Variants in CLCA2 observed in about 807,000 individuals in gnomAD.
CLCA2 encodes the protein chloride channel accessory 2, also known as calcium-activated chloride channel regulator 2.
In CLCA2, 85 loss-of-function variants were observed where a neutral mutation model predicts 82.9. The observed-to-expected ratio is 1.03, with a 90% CI of 0.86 to 1.23. The LOEUF (loss-of-function observed/expected upper bound fraction) is 1.23, where lower values mean the gene tolerates loss of function less well. CLCA2 is among the 50% of genes most tolerant of loss of function. The pLI is 0.00. For synonymous variants in CLCA2, 421 were observed against 391.7 expected, an observed-to-expected ratio of 1.07 and a Z score of -0.88; for missense variants, 1,089 against 1,124.8, an observed-to-expected ratio of 0.97 and a Z score of 0.45.
chr1:86,443,448 A>G (rs923273941), intron 9 of CLCA2, among the ~76,000 whole-genome samples: 9 of 152,212 alleles, frequency 5.9e-5, no homozygotes, highest in Non-Finnish European at 1.2e-4. Flanking sequence ...CATATTCACA[A>G]ATGAAAATTT....
chr1:86,432,935 G>A (rs1662530133), intron 5 of CLCA2, among the ~76,000 whole-genome samples: 1 of 152,146 alleles, frequency 6.6e-6, no homozygotes, highest in Non-Finnish European at 1.5e-5. Context: ...GTTTTGAATA[G>A]TCTAGAACTT....
chr1:86,439,503 C>T (rs1033734525), intron 7 of CLCA2, among the ~76,000 whole-genome samples: 5 of 152,160 alleles, frequency 3.3e-5, no homozygotes, highest in Non-Finnish European at 7.3e-5. Context: ...CTAGACTTCA[C>T]GCACATCAGA....
At chr1:86,428,958 A>AG (rs1662442697) in intron 3 of CLCA2, among the ~76,000 whole-genome samples, 1 of 152,224 alleles carries the variant, frequency 6.6e-6, no homozygotes, top group African/African-American at 2.4e-5. Flanking sequence ...TAGGAGAGAC[A>AG]GAGACCCTGA....
chr1:86,424,604 C>A (rs1662352418), intron 1 of CLCA2, among the ~76,000 whole-genome samples, 171 bp downstream of exon 1: 1 of 152,186 alleles, frequency 6.6e-6, no homozygotes, highest in Non-Finnish European at 1.5e-5. Flanking sequence ...GTTTGTTCAT[C>A]TAATTCTGTG....
At chr1:86,434,354 G>A (rs1296098243) in intron 5 of CLCA2, among the ~76,000 whole-genome samples, 164 bp from the exon 6 acceptor site, 2 of 152,178 alleles carry the variant, frequency 1.3e-5, no homozygotes, top group African/African-American at 4.8e-5. Flanking sequence ...AGGTTTATTT[G>A]TAATTTGATG....
At position 86,434,547 on chromosome 1, in the gene CLCA2, C is replaced by A; in HGVS notation, c.774C>A (p.His258Gln). The change falls in exon 6 of 14, where the codon CAC becomes CAA. Residue 258 changes from histidine to glutamine, a missense_variant. Coordinates refer to ENST00000370565, the MANE Select transcript of CLCA2 (RefSeq NM_006536.7). ...SVVEFCNAST[H>Q]NQEAPNLQNQ... ...TTGAATTTTGTAATGCAAGTACCCA[C>A]AACCAAGAAGCACCAAACCTACAGA... 1.9e-6 allele frequency: 3 copies of A among 1,614,030 alleles called. No individual in the cohort carries two copies. Among genetic ancestry groups the A allele is most frequent in the Non-Finnish European group, 1.7e-6 (2 of 1,179,958 alleles).
At chr1:86,441,881 C>T (rs1662743556) in intron 9 of CLCA2, among the ~76,000 whole-genome samples, 1 of 152,202 alleles carries the variant, frequency 6.6e-6, no homozygotes, top group Non-Finnish European at 1.5e-5. Context: ...AACTTTCTGT[C>T]AATCAGAATT....
At chr1:86,440,462 A>G in intron 8 of CLCA2, 137 bp downstream of exon 8, 1 of 818,406 alleles carries the variant, frequency 1.2e-6, no homozygotes, top group South Asian at 2.1e-5. Context: ...ACATATTGCT[A>G]GAATCTGTCA....
rs1412139981 is a variant in CLCA2, at chr1:86,441,523, A to G, written c.1468A>G (p.Ile490Val). The change falls in exon 9 of 14, where the codon ATT becomes GTT. Residue 490 changes from isoleucine to valine, a missense_variant. Physicochemically the swap from Ile to Val is conservative, Grantham distance 29 (BLOSUM62 3). Coordinates refer to ENST00000370565, the MANE Select transcript of CLCA2 (RefSeq NM_006536.7). ...FSRISSGTGD[I>V]FQQHIQLEST... ...TAGAATTTCCTCTGGAACTGGAGAC[A>G]TTTTCCAGCAACATATTCAGGTCAG... The G allele has an allele frequency of 6.2e-7, 1 of 1,609,998 alleles. No individual in the cohort carries two copies. The highest frequency in any genetic ancestry group is 1.3e-5 in the African/African-American group (1 of 74,854).
chr1:86,434,778 T>C (rs774970397), intron 6 of CLCA2, 33 bp downstream of exon 6: 2 of 1,482,792 alleles, frequency 1.3e-6, no homozygotes, highest in African/African-American at 1.4e-5. Flanking sequence ...ATGTAAACAT[T>C]TATCATTTTT....
At chr1:86,431,902 A>G (rs778882359) in intron 4 of CLCA2, among the ~76,000 whole-genome samples, 7 of 152,122 alleles carry the variant, frequency 4.6e-5, no homozygotes, top group Non-Finnish European at 7.4e-5. Context: ...TTCTTAATGA[A>G]GCAGTTTTTT....
chr1:86,448,735 A>G (rs1227550306), intron 11 of CLCA2, among the ~76,000 whole-genome samples: 1 of 152,242 alleles, frequency 6.6e-6, no homozygotes, highest in East Asian at 1.9e-4. Flanking sequence ...AAGTTCATTC[A>G]AAGGGTTTTG....
Position 86,432,370 on chromosome 1 carries a change from T to G in CLCA2, c.586T>G (p.Cys196Gly). Residue 196 changes from cysteine (C) to glycine (G), a missense_variant and splice_region_variant, in exon 5 of 14, where the codon TGT becomes GGT. By Grantham distance (159) the Cys-to-Gly change is radical (BLOSUM62 -3). Transcript: ENST00000370565. The part of the protein sequence containing the change: ...NGQNQIKVTR[C>G]SSDITGIFVC... The stretch of plus-strand genomic sequence containing the variant: ...CCCAGTTTCTCTTTCCATTTTTAGG[T>G]GTTCATCTGACATCACAGGCATTTT... The G allele has an allele frequency of 6.2e-7, 1 of 1,613,112 alleles. No individual in the cohort carries two copies. The highest frequency in any genetic ancestry group is 8.5e-7 in the Non-Finnish European group (1 of 1,179,782).
Position 86,432,456 on chromosome 1 carries a change from A to G in CLCA2, c.672A>G (p.Glu224=). The change falls in exon 5 of 14, where the codon GAA becomes GAG. Residue 224 remains glutamate, a synonymous_variant. Transcript: ENST00000370565. ...ENCIISKLFK[E]GCTFIYNSTQ... ...GTATTATTAGTAAGCTTTTTAAAGA[A>G]GGATGCACCTTTATCTACAATAGCA... 1 of 1,614,082 alleles carries G rather than the reference A, an allele frequency of 6.2e-7. No individual in the cohort carries two copies. Among genetic ancestry groups the G allele is most frequent in the Non-Finnish European group, 8.5e-7 (1 of 1,179,986 alleles).
intron 3 of CLCA2, among the ~76,000 whole-genome samples, 170 bp from the exon 4 acceptor site, chr1:86,430,692 G>C (rs956049482): frequency 2.6e-5 from 4 of 152,174 alleles, no homozygotes; most frequent in Non-Finnish European, 5.9e-5. Context: ...TGGAGTAGGA[G>C]GAGATGGGAA....
At chr1:86,441,159 C>A (rs1247502715) in intron 8 of CLCA2, among the ~76,000 whole-genome samples, 1 of 152,126 alleles carries the variant, frequency 6.6e-6, no homozygotes, top group Non-Finnish European at 1.5e-5. Context: ...TTACCTTAAT[C>A]TGAAGACTAT....
At chr1:86,428,773 G>A (rs1301556171) in intron 3 of CLCA2, among the ~76,000 whole-genome samples, 2 of 152,168 alleles carry the variant, frequency 1.3e-5, no homozygotes, top group Non-Finnish European at 2.9e-5. Context: ...GCCCAGAGAG[G>A]AGTGCTATAA....
At position 86,430,911 on chromosome 1, in the gene CLCA2, T is replaced by C. The variant is rs1296308221; in HGVS notation, c.525T>C (p.Asp175=). 6.2e-7 allele frequency: 1 copy of C among 1,613,840 alleles called. No individual in the cohort carries two copies. The highest frequency in any genetic ancestry group is 8.5e-7 in the Non-Finnish European group (1 of 1,179,886). ...EWAHLRWGVF[D]EYNNDKPFYI... ...CCCACCTCCGTTGGGGTGTGTTCGA[T>C]GAGTATAACAATGACAAACCTTTCT... The change falls in exon 4 of 14, where the codon GAT becomes GAC. Residue 175 remains aspartate (D), a synonymous_variant. Transcript: ENST00000370565.
chr1:86,443,677 G>T (rs1042676913), intron 9 of CLCA2, 110 bp from the exon 10 acceptor site: 1 of 815,464 alleles, frequency 1.2e-6, no homozygotes, highest in Non-Finnish European at 1.9e-6. Flanking sequence ...GTACCTGTCA[G>T]AATTAAATTA....
Sources: gnomAD v4.1 joint callset for allele counts (sites outside exome capture counted in the v4.1 genomes callset) on GRCh38, gnomAD v4.1.1 for gene constraint, MANE v1.5 for transcripts, NCBI Gene and HGNC (gene_info 2026-07-23, HGNC 2026-07-21) for gene names.